Variants in LBR observed in about 807,000 individuals in gnomAD.
LBR encodes delta(14)-sterol reductase LBR.
A neutral mutation model predicts 74.3 loss-of-function variants in LBR; 28 were observed. The observed-to-expected ratio is 0.38, with a 90% CI of 0.28 to 0.52. The LOEUF (loss-of-function observed/expected upper bound fraction) is 0.52, where lower values mean the gene tolerates loss of function less well. LBR is among the 20% of genes least tolerant of loss of function. The probability of loss-of-function intolerance (pLI) is 0.89; values close to 1 mark genes in which losing one functional copy is unlikely to be tolerated. For missense variants in LBR, 717 were observed against 760.3 expected (o/e 0.94, Z 0.67); for synonymous variants, 228 against 269.3 (o/e 0.85, Z 1.50).
chr1:225,420,573 T>C (rs1177684682), intron 3 of LBR, among the ~76,000 whole-genome samples: 1 of 152,090 alleles, frequency 6.6e-6, no homozygotes, highest in East Asian at 1.9e-4. Context: ...AAAGCTTCTG[T>C]GGTTCTTGTG....
intron 1 of LBR, among the ~76,000 whole-genome samples, chr1:225,424,428 G>A (rs758083814): frequency 7.9e-5 from 12 of 152,108 alleles, no homozygotes; most frequent in South Asian, 2.1e-4. Context: ...GTAAATTTGC[G>A]TATCAATTTA....
At chr1:225,409,355 G>C (rs568726956) in intron 10 of LBR, among the ~76,000 whole-genome samples, 8 of 152,164 alleles carry the variant, frequency 5.3e-5, no homozygotes, top group African/African-American at 1.9e-4. Flanking sequence ...TCAAACTTGC[G>C]AAGTTGTTCT....
chr1:225,416,628 T>A (rs986597273), intron 6 of LBR, among the ~76,000 whole-genome samples: 3 of 152,236 alleles, frequency 2.0e-5, no homozygotes, highest in African/African-American at 7.2e-5. Context: ...TAGGCTTTAA[T>A]CTGTGAATAT....
rs559427732 is a variant in LBR, at chr1:225,425,855, A to G, written c.-14-1766T>C. 1.7e-4 allele frequency among the ~76,000 whole-genome samples: 26 copies of G among 152,324 alleles called. No individual in the cohort carries two copies. In the South Asian group the frequency reaches 2.1e-3, roughly 12 times the overall value. ...AACTCTTTATAAACTTTTGAAACACAAGCCCTTCAGGACGCAGGGGCTACT... is the reference window on the plus strand; with the variant it reads ...AACTCTTTATAAACTTTTGAAACACGAGCCCTTCAGGACGCAGGGGCTACT... On this transcript the variant is annotated intron_variant, in intron 1 of 13. Transcript: ENST00000272163.
chr1:225,425,241 A>G (rs1005957541), intron 1 of LBR, among the ~76,000 whole-genome samples: 1 of 152,012 alleles, frequency 6.6e-6, no homozygotes, highest in Admixed American at 6.6e-5. Context: ...AGGCGGGGTG[A>G]GGGAGGCCTT....
At chr1:225,419,004 C>T (rs181891456) in intron 5 of LBR, among the ~76,000 whole-genome samples, 136 of 152,356 alleles carry the variant, frequency 8.9e-4, no homozygotes, top group African/African-American at 3.2e-3. Flanking sequence ...CTTCTGTGCT[C>T]AAAACCTCTG....
At chr1:225,410,119 C>T (rs960744361) in intron 10 of LBR, among the ~76,000 whole-genome samples, 172 bp downstream of exon 10, 1 of 152,210 alleles carries the variant, frequency 6.6e-6, no homozygotes, top group Non-Finnish European at 1.5e-5. Context: ...AACTTCCCAC[C>T]TGTCAGTGCT....
At chr1:225,403,573 T>C in intron 13 of LBR, 110 bp from the exon 14 acceptor site, 1 of 810,604 alleles carries the variant, frequency 1.2e-6, no homozygotes, top group Non-Finnish European at 2.0e-6. Flanking sequence ...GTACTTCATT[T>C]TCTCTAATAA....
At chr1:225,404,059 A>ATTCTC (rs2096086563) in intron 13 of LBR, among the ~76,000 whole-genome samples, 4 of 151,882 alleles carry the variant, frequency 2.6e-5, no homozygotes, top group Non-Finnish European at 5.9e-5. Context: ...GAAAAACAGA[A>ATTCTC]TCTCTTTCTC....
At chr1:225,416,178 C>T (rs2096116699) in intron 6 of LBR, among the ~76,000 whole-genome samples, 1 of 146,372 alleles carries the variant, frequency 6.8e-6, no homozygotes, top group African/African-American at 2.6e-5. Context: ...GCCTGGGCAA[C>T]AGAGCAAGAC....
At chr1:225,407,757 A>G (rs552213613) in intron 10 of LBR, among the ~76,000 whole-genome samples, 2 of 152,336 alleles carry the variant, frequency 1.3e-5, no homozygotes, top group African/African-American at 4.8e-5. Context: ...TGGTACCTCT[A>G]AATAGCATTT....
rs766513028 is a variant in LBR, at chr1:225,422,177, C to A, written c.266G>T (p.Arg89Leu). Reference sequence around the variant, plus strand: ...AGATCGGCGGGCACTTTTAGGTGGTCGACCAGGGGATCGGGAGCGTGACCT... The same window carrying A: ...AGATCGGCGGGCACTTTTAGGTGGTAGACCAGGGGATCGGGAGCGTGACCT... ...RSRSRSRSPG[R>L]PPKSARRSAS... Residue 89 changes from arginine to leucine, a missense_variant, in exon 3 of 14, where the codon CGA becomes CTA. Arg to Leu is a moderately radical substitution (Grantham distance 102). Transcript: ENST00000272163. 6.2e-7 allele frequency: 1 copy of A among 1,613,380 alleles called. No individual in the cohort carries two copies. Among genetic ancestry groups the A allele is most frequent in the Non-Finnish European group, 8.5e-7 (1 of 1,179,482 alleles).
chr1:225,414,112 CA>C (rs1451113269), intron 7 of LBR: 1 of 456,630 alleles, frequency 2.2e-6, no homozygotes, highest in Non-Finnish European at 4.4e-6. Flanking sequence ...CTTGCTCCAT[CA>C]GCAAAGAATT....
At chr1:225,416,210 AAAAAGAGAG>A (rs1427816045) in intron 6 of LBR, among the ~76,000 whole-genome samples, 2 of 148,666 alleles carry the variant, frequency 1.3e-5, no homozygotes, top group African/African-American at 2.5e-5. Context: ...AAAAAAAAAA[AAAAAGAGAG>A]AGAGAGAGAG....
At chr1:225,419,959 A>G (rs1317678017) in intron 3 of LBR, among the ~76,000 whole-genome samples, 161 bp from the exon 4 acceptor site, 2 of 152,352 alleles carry the variant, frequency 1.3e-5, no homozygotes, top group African/African-American at 2.4e-5. Context: ...ATGAAAAGGA[A>G]TAAAACTGAC....
At position 225,419,751 on chromosome 1, in the gene LBR, A is replaced by G. The variant is rs753048671; in HGVS notation, c.414T>C (p.His138=). 1.2e-6 allele frequency: 2 copies of G among 1,613,002 alleles called. No homozygotes were observed. The highest frequency in any genetic ancestry group is 8.5e-7 in the Non-Finnish European group (1 of 1,179,244). ...SISRYNGEPE[H]IERNDAPHKN... is the part of the protein sequence containing the mutation. ...TATGAGGTGCGTCATTTCTCTCAAT[A>G]TGCTCAGGCTCCCCATTATATCTGC... The change falls in exon 4 of 14, where the codon CAT becomes CAC. Residue 138 remains histidine, a synonymous_variant. Transcript: ENST00000272163.
intron 10 of LBR, 49 bp downstream of exon 10, chr1:225,410,242 C>T (rs1357976954): frequency 1.9e-6 from 3 of 1,611,290 alleles, no homozygotes; most frequent in South Asian, 1.1e-5. Context: ...GGTCACTCAC[C>T]CACTCAAAGC....
Position 225,410,280 on chromosome 1 carries a change from A to T in LBR, c.1314+11T>A. 6.2e-7 allele frequency: 1 copy of T among 1,614,008 alleles called. No homozygotes were observed. The highest frequency in any genetic ancestry group is 8.5e-7 in the Non-Finnish European group (1 of 1,179,932). On this transcript the variant is annotated intron_variant, in intron 10 of 13. Coordinates refer to ENST00000272163, the MANE Select transcript of LBR (RefSeq NM_002296.4). ...TCTGACTCCAAGGCCTCGGCTCTTA[A>T]AATTAATTACCTCATTCCAGAGAGC... is the stretch of plus-strand genomic sequence containing the variant.
chr1:225,423,828 G>A, intron 2 of LBR, 83 bp downstream of exon 2: 9 of 1,339,578 alleles, frequency 6.7e-6, no homozygotes, highest in Non-Finnish European at 9.6e-6. Flanking sequence ...GAGCTGAACT[G>A]ACTATCCTGA....
Sources: gnomAD v4.1 joint callset for allele counts (sites outside exome capture counted in the v4.1 genomes callset) on GRCh38, gnomAD v4.1.1 for gene constraint, MANE v1.5 for transcripts, NCBI Gene and HGNC (gene_info 2026-07-23, HGNC 2026-07-21) for gene names.